Variants in ASH1L observed in about 807,000 individuals in gnomAD.
ASH1L encodes histone-lysine N-methyltransferase ASH1L.
A neutral mutation model predicts 269.0 loss-of-function variants in ASH1L; 23 were observed. That is an observed-to-expected ratio of 0.09 (90% CI 0.06 to 0.12). ASH1L has a LOEUF of 0.12. ASH1L is among the 10% of genes least tolerant of loss of function. The pLI, the probability that ASH1L is intolerant of heterozygous loss-of-function variation, is 1.00. For missense variants in ASH1L, 2,912 were observed against 3,567.8 expected (o/e 0.82, Z 4.68); for synonymous variants, 1,187 against 1,253.5 (o/e 0.95, Z 1.12).
chr1:155,400,641 T>C (rs1658752969), intron 6 of ASH1L, among the ~76,000 whole-genome samples: 1 of 152,202 alleles, frequency 6.6e-6, no homozygotes, highest in Non-Finnish European at 1.5e-5. Flanking sequence ...TTCTATTCTA[T>C]ATTCCACTGG....
At chr1:155,550,036 T>A (rs1671089602) in intron 1 of ASH1L, among the ~76,000 whole-genome samples, 1 of 152,136 alleles carries the variant, frequency 6.6e-6, no homozygotes, top group Admixed American at 6.6e-5. Flanking sequence ...TCTTTTTTTT[T>A]TTGAGACAGA....
At chr1:155,347,135 A>G (rs772283006) in intron 20 of ASH1L, among the ~76,000 whole-genome samples, 8 of 152,240 alleles carry the variant, frequency 5.3e-5, no homozygotes, top group Non-Finnish European at 1.2e-4. Context: ...GTGGTGGCTC[A>G]TGCCTGTAAT....
At chr1:155,375,185 G>A (rs1043661055) in intron 10 of ASH1L, among the ~76,000 whole-genome samples, 1 of 151,974 alleles carries the variant, frequency 6.6e-6, no homozygotes, top group Non-Finnish European at 1.5e-5. Context: ...AAACCCTGAA[G>A]TATAAATAAA....
chr1:155,348,911 T>TATACACACACACAC (rs1186891494), intron 19 of ASH1L, among the ~76,000 whole-genome samples: 1 of 140,406 alleles, frequency 7.1e-6, no homozygotes, highest in East Asian at 2.0e-4. Context: ...TATATATATA[T>TATACACACACACAC]ACACACACAC....
chr1:155,480,882 T>C lies in ASH1L; in HGVS notation c.1988A>G (p.His663Arg), dbSNP rs757011864. 3.1e-6 allele frequency: 5 copies of C among 1,613,988 alleles called. No homozygotes were observed. Among genetic ancestry groups the C allele is most frequent in the Non-Finnish European group, 3.4e-6 (4 of 1,179,944 alleles). Residue 663 changes from histidine (H) to arginine (R), a missense_variant, in exon 3 of 28, where the codon CAT (histidine) becomes CGT (arginine). Transcript: ENST00000392403. ...GTTAACAACTGAAGGAGTAATAGTATGAATGCTGGATTCAGAAGTCAAACT... is the reference window on the plus strand; with the variant it reads ...GTTAACAACTGAAGGAGTAATAGTACGAATGCTGGATTCAGAAGTCAAACT... ...KPSLTSESSI[H>R]TITPSVVNFT...
intron 6 of ASH1L, among the ~76,000 whole-genome samples, chr1:155,408,771 T>G (rs1211256062): frequency 6.6e-6 from 1 of 152,074 alleles, no homozygotes; most frequent in East Asian, 1.9e-4. Flanking sequence ...TCCTAGCACT[T>G]TGGGAGGCTG....
chr1:155,479,197 GCCT>G lies in ASH1L; in HGVS notation c.3670_3672del (p.Arg1224del), dbSNP rs761561946. The G allele has an allele frequency of 1.3e-5, 21 of 1,613,982 alleles. 1 individual carries two copies. In the Admixed American group the frequency reaches 2.5e-4, roughly 19 times the overall value. On this transcript the variant is annotated inframe_deletion, in exon 3 of 28. Transcript: ENST00000392403. ...ATCAGAGAAACATGCTCAAAAGAAT[GCCT>G]CCTCTTTTTTTGCCCACAAAATTTC...
intron 6 of ASH1L, 114 bp from the exon 7 acceptor site, chr1:155,395,667 T>TAA (rs944379735): frequency 1.3e-5 from 7 of 523,080 alleles, no homozygotes; most frequent in African/African-American, 2.1e-5. Flanking sequence ...ATTGATAAAT[T>TAA]AAAAAAAAAA....
chr1:155,412,892 G>A (rs1198551740), intron 6 of ASH1L, among the ~76,000 whole-genome samples: 2 of 139,982 alleles, frequency 1.4e-5, no homozygotes, highest in African/African-American at 5.1e-5. Flanking sequence ...TCTTCTGTGT[G>A]TTTTTTTTTT....
chr1:155,390,987 C>T (rs1429930831), intron 7 of ASH1L, among the ~76,000 whole-genome samples: 3 of 151,552 alleles, frequency 2.0e-5, no homozygotes, highest in African/African-American at 4.9e-5. Flanking sequence ...GCTCTGTTGC[C>T]CAGGCTGGAG....
Position 155,478,932 on chromosome 1 carries a change from C to T in ASH1L, c.3938G>A (p.Arg1313Gln), listed in dbSNP as rs369029306. ...ITHRSHHFIPRDLLPTIFRIN... is the reference protein window; with the variant it reads ...ITHRSHHFIPQDLLPTIFRIN... ...TCGAAAGATAGTTGGCAGAAGATCT[C>T]GGGGGATAAAATGATGACTTCGATG... The change falls in exon 3 of 28, where the codon CGA becomes CAA. Residue 1313 changes from arginine to glutamine, a missense_variant. Arg to Gln is a conservative substitution (Grantham distance 43, BLOSUM62 1). Transcript: ENST00000392403. This position sits in a 1 kb window ranked among gnomAD's most constrained non-coding sequence, Gnocchi z 4.6. 13 of 1,613,656 alleles carry T rather than the reference C, an allele frequency of 8.1e-6. No homozygotes were observed. The highest frequency in any genetic ancestry group is 4.0e-5 in the African/African-American group (3 of 74,840).
rs553156181 is a variant in ASH1L, at chr1:155,387,455, T to C, written c.6104-7339A>G. Among the ~76,000 whole-genome samples, 4 of 152,332 alleles carry C rather than the reference T, an allele frequency of 2.6e-5. No homozygotes were observed. In the South Asian group the frequency reaches 8.3e-4, roughly 32 times the overall value. On this transcript the variant is annotated intron_variant, in intron 7 of 27. Transcript: ENST00000392403. The stretch of plus-strand genomic sequence containing the variant: ...ATCACGCAGTTGTAGGTGTGCAGTC[T>C]TATTTCTGGGTTCTCTATTCTGTTT...
chr1:155,480,171 G>A lies in ASH1L; in HGVS notation c.2699C>T (p.Pro900Leu). ...CAGTACAGGTGGCTTCATCTTGACT[G>A]GTGACCTCATTTGCCTCTTAGGCCT... ...RGRPKRQMRSPVKMKPPVLSV... is the reference protein window; with the variant it reads ...RGRPKRQMRSLVKMKPPVLSV... Residue 900 changes from proline to leucine, a missense_variant, in exon 3 of 28, where the codon CCA becomes CTA. Around this residue, in one of 13 missense-constraint regions of ASH1L, gnomAD observed 715 missense variants for 721.0 expected, o/e 0.99. Transcript: ENST00000392403. The A allele has an allele frequency of 6.2e-7, 1 of 1,614,102 alleles. No individual in the cohort carries two copies. Among genetic ancestry groups the A allele is most frequent in the African/African-American group, 1.3e-5 (1 of 75,046 alleles).
intron 4 of ASH1L, among the ~76,000 whole-genome samples, chr1:155,442,049 G>GAGCC (rs1405381305): frequency 6.6e-6 from 1 of 152,092 alleles, no homozygotes; most frequent in Non-Finnish European, 1.5e-5. Flanking sequence ...TTATAGGTAT[G>GAGCC]AGCCGCCTGC....
intron 7 of ASH1L, among the ~76,000 whole-genome samples, chr1:155,381,174 A>C (rs1656909822): frequency 6.6e-6 from 1 of 152,180 alleles, no homozygotes; most frequent in African/African-American, 2.4e-5. Context: ...ATAATACATA[A>C]TACTTGATAA....
rs1017336324 is a variant in ASH1L at position 155,335,721 on chromosome 1, C to A, written c.*1939G>T. Reference sequence around the variant, plus strand: ...ACAAAAGAAAGATAAAATGACAGAGCGTAGTGTCTTTTGCTTCTGTTCTCG... The same window carrying A: ...ACAAAAGAAAGATAAAATGACAGAGAGTAGTGTCTTTTGCTTCTGTTCTCG... On this transcript the variant is annotated 3_prime_UTR_variant, in exon 28 of 28. Transcript: ENST00000392403. The A allele has an allele frequency of 6.6e-6, 1 of 152,420 alleles. No homozygotes were observed. Among genetic ancestry groups the A allele is most frequent in the African/African-American group, 2.4e-5 (1 of 41,332 alleles). 9.4% of individuals were successfully genotyped at this position (152,420 alleles called of 1,614,324 possible). A position where few individuals can be genotyped will look rare whatever the true frequency, so the allele number is the denominator to read the frequency against.
intron 2 of ASH1L, among the ~76,000 whole-genome samples, chr1:155,493,150 G>T (rs572325929): frequency 2.9e-4 from 44 of 152,056 alleles, no homozygotes; most frequent in African/African-American, 1.0e-3. Flanking sequence ...AATTCAGTGG[G>T]TTTTTTTTAA....
chr1:155,341,820 T>G, intron 25 of ASH1L, 116 bp downstream of exon 25: 1 of 1,048,340 alleles, frequency 9.5e-7, no homozygotes, highest in Non-Finnish European at 1.4e-6. Flanking sequence ...TATCCATAGT[T>G]TGGGATGGAA....
At chr1:155,444,168 G>A (rs957940311) in intron 4 of ASH1L, among the ~76,000 whole-genome samples, 1 of 151,852 alleles carries the variant, frequency 6.6e-6, no homozygotes, top group African/African-American at 2.4e-5. Flanking sequence ...TTTTAGTAGA[G>A]ATAGAATTTC....
Sources: gnomAD v4.1 joint callset for allele counts (sites outside exome capture counted in the v4.1 genomes callset) on GRCh38, gnomAD v4.1.1 for gene constraint, gnomAD v4.1.1 regional missense constraint, Gnocchi (gnomAD v3.1) non-coding constraint, MANE v1.5 for transcripts, NCBI Gene and HGNC (gene_info 2026-07-23, HGNC 2026-07-21) for gene names.